NREP: variants seen among roughly 807,000 people sequenced by gnomAD.
NREP encodes the protein neuronal regeneration-related protein.
NREP carries 5 observed loss-of-function variants against 8.6 expected under a neutral mutation model. The ratio of observed to expected loss-of-function variants is 0.58; its 90% CI spans 0.30 to 1.22. NREP has a LOEUF of 1.22. NREP is among the 50% of genes most tolerant of loss of function. The probability of loss-of-function intolerance (pLI) is 0.07; values close to 1 mark genes in which losing one functional copy is unlikely to be tolerated. For synonymous variants in NREP, 27 were observed against 28.0 expected, an observed-to-expected ratio of 0.96 and a Z score of 0.11; for missense variants, 86 against 82.5, an observed-to-expected ratio of 1.04 and a Z score of -0.17.
At chr5:111,969,166 C>T (rs1177412447) in intron 2 of NREP, among the ~76,000 whole-genome samples, 27 of 152,192 alleles carry the variant, frequency 1.8e-4, no homozygotes, top group Admixed American at 1.8e-3. Flanking sequence ...AATGGTGGAA[C>T]ACAGAATGTT....
chr5:111,866,197 C>T (rs1039027059), intron 2 of NREP, among the ~76,000 whole-genome samples: 1 of 152,042 alleles, frequency 6.6e-6, no homozygotes, highest in Non-Finnish European at 1.5e-5. Flanking sequence ...AAGAAACTAC[C>T]ATCAGAGTGA....
chr5:111,889,814 C>G, intron 2 of NREP, among the ~76,000 whole-genome samples: 1 of 151,558 alleles, frequency 6.6e-6, no homozygotes, highest in South Asian at 2.1e-4. Flanking sequence ...TGGGGTGGGG[C>G]AGTTTCATAG....
intron 2 of NREP, among the ~76,000 whole-genome samples, chr5:111,741,275 G>C (rs1417348828): frequency 6.6e-6 from 1 of 152,136 alleles, no homozygotes; most frequent in Non-Finnish European, 1.5e-5. Flanking sequence ...CAATTAAATA[G>C]TATGTGTCTG....
At chr5:111,972,669 T>C (rs1419513833) in intron 2 of NREP, among the ~76,000 whole-genome samples, 1 of 152,120 alleles carries the variant, frequency 6.6e-6, no homozygotes, top group Non-Finnish European at 1.5e-5. Context: ...CCCCACGCCA[T>C]ACCCACCTCT....
chr5:111,886,244 A>G (rs200826393), intron 2 of NREP, among the ~76,000 whole-genome samples: 4 of 152,226 alleles, frequency 2.6e-5, no homozygotes, highest in African/African-American at 9.6e-5. Context: ...CTGGCCATCA[A>G]AGAAGTGCAA....
At chr5:111,742,913 C>T (rs1284911602) in intron 2 of NREP, among the ~76,000 whole-genome samples, 2 of 152,152 alleles carry the variant, frequency 1.3e-5, no homozygotes, top group Non-Finnish European at 2.9e-5. Flanking sequence ...CCAAGGCACC[C>T]TCCCTTGGAC....
intron 2 of NREP, among the ~76,000 whole-genome samples, chr5:111,864,825 T>C (rs1753629694): frequency 6.6e-6 from 1 of 152,160 alleles, no homozygotes; most frequent in African/African-American, 2.4e-5. Context: ...AAAAAGGTTA[T>C]TGATTTTATT....
At chr5:111,920,649 T>G (rs776841577) in intron 2 of NREP, among the ~76,000 whole-genome samples, 1 of 152,162 alleles carries the variant, frequency 6.6e-6, no homozygotes, top group Non-Finnish European at 1.5e-5. Context: ...GACAAGCTGG[T>G]GTGGAGGGGT....
At chr5:111,771,698 G>C (rs1178238656) in intron 2 of NREP, among the ~76,000 whole-genome samples, 1 of 151,680 alleles carries the variant, frequency 6.6e-6, no homozygotes, top group African/African-American at 2.4e-5. Flanking sequence ...GGGAGGTGGA[G>C]GTTGTGGTGA....
chr5:111,901,138 T>C (rs1351234390), intron 2 of NREP, among the ~76,000 whole-genome samples: 1 of 152,112 alleles, frequency 6.6e-6, no homozygotes, highest in East Asian at 1.9e-4. Flanking sequence ...CATACATCAT[T>C]ACAAGATGAT....
At chr5:111,875,659 G>A (rs1425876141) in intron 2 of NREP, among the ~76,000 whole-genome samples, 1 of 152,138 alleles carries the variant, frequency 6.6e-6, no homozygotes, top group African/African-American at 2.4e-5. Context: ...AGCTAACCTA[G>A]CTCATCCCTT....
intron 2 of NREP, among the ~76,000 whole-genome samples, chr5:111,801,520 C>T (rs958610176): frequency 2.0e-5 from 3 of 152,026 alleles, no homozygotes; most frequent in African/African-American, 7.2e-5. Context: ...CTTTTCAGTC[C>T]TTCTTTTTCA....
At chr5:111,875,069 G>T (rs1753873200) in intron 2 of NREP, among the ~76,000 whole-genome samples, 1 of 152,056 alleles carries the variant, frequency 6.6e-6, no homozygotes. Context: ...TGTATAAGAA[G>T]GATCATGGAG....
intron 2 of NREP, among the ~76,000 whole-genome samples, chr5:111,931,694 A>C (rs747217757): frequency 6.6e-6 from 1 of 152,132 alleles, no homozygotes; most frequent in Non-Finnish European, 1.5e-5. Flanking sequence ...AATTTCTAAG[A>C]TTGGATTCTC....
intron 2 of NREP, among the ~76,000 whole-genome samples, chr5:111,960,726 ACT>A: frequency 6.6e-6 from 1 of 152,284 alleles, no homozygotes; most frequent in South Asian, 2.1e-4. Context: ...TTTACACTTA[ACT>A]CTGACTCATT....
At chr5:111,918,281 C>G (rs1442864873) in intron 2 of NREP, among the ~76,000 whole-genome samples, 2 of 152,076 alleles carry the variant, frequency 1.3e-5, no homozygotes, top group Non-Finnish European at 2.9e-5. Context: ...GCCATACTGC[C>G]CAAAATAATT....
intron 1 of NREP, chr5:111,756,128 A>C (rs553380345): frequency 9.2e-7 from 1 of 1,084,818 alleles, no homozygotes; most frequent in African/African-American, 1.6e-5. Flanking sequence ...AGTAGAACCA[A>C]GTGATAAAAA....
At chr5:111,810,679 T>C (rs1752249653) in intron 2 of NREP, among the ~76,000 whole-genome samples, 1 of 152,180 alleles carries the variant, frequency 6.6e-6, no homozygotes, top group African/African-American at 2.4e-5. Context: ...TTGTATCATG[T>C]AGTTTCTGGA....
upstream of NREP, among the ~76,000 whole-genome samples, chr5:111,759,827 A>G (rs1750919151): frequency 6.6e-6 from 1 of 152,126 alleles, no homozygotes; most frequent in South Asian, 2.1e-4. Context: ...TCTTCCATCT[A>G]TCCTGTAGGT....
Sources: allele counts gnomAD v4.1 joint callset (sites outside exome capture counted in the v4.1 genomes callset), GRCh38; gene constraint gnomAD v4.1.1; transcripts MANE v1.5; gene names NCBI Gene and HGNC (gene_info 2026-07-23, HGNC 2026-07-21).